The following SLC25A12 variants were observed in gnomAD, a reference collection of about 807,000 sequenced individuals.
SLC25A12 encodes the protein electrogenic aspartate/glutamate antiporter SLC25A12, mitochondrial.
A neutral mutation model predicts 83.3 loss-of-function variants in SLC25A12; 32 were observed. The ratio of observed to expected loss-of-function variants is 0.38; its 90% CI spans 0.29 to 0.52. The LOEUF is 0.52. Ranked by LOEUF, SLC25A12 falls within the 20% of genes least tolerant of loss-of-function variation. The probability of loss-of-function intolerance (pLI) is 0.84; values close to 1 mark genes in which losing one functional copy is unlikely to be tolerated. For synonymous variants in SLC25A12, 267 were observed against 291.1 expected (o/e 0.92, Z 0.84); for missense variants, 611 against 835.6 (o/e 0.73, Z 3.31).
At chr2:171,890,622 C>T (rs981082741) in intron 2 of SLC25A12, among the ~76,000 whole-genome samples, 4 of 152,152 alleles carry the variant, frequency 2.6e-5, no homozygotes, top group Non-Finnish European at 5.9e-5. Flanking sequence ...GCTGGGACCA[C>T]AGATGGATGC....
In SLC25A12 at chr2:171,867,698, G is replaced by GT. The variant is rs200895584; in HGVS notation, c.209+982dup. Among the ~76,000 whole-genome samples, 71 of 152,278 alleles carry GT rather than the reference G, an allele frequency of 4.7e-4. No homozygotes were observed. The East Asian group carries it at 0.012, about 26-fold the overall frequency. On this transcript the variant is annotated intron_variant, in intron 3 of 17. Coordinates refer to ENST00000422440, the MANE Select transcript of SLC25A12 (RefSeq NM_003705.5). ...TTTTTTAAGACCATTACACTAACCC[G>GT]TAAGTCACAGAGCTACCCTACAAGA...
In SLC25A12 at chr2:171,785,046, C is replaced by T. The variant is rs545658434; in HGVS notation, c.*228G>A. On this transcript the variant is annotated 3_prime_UTR_variant, in exon 18 of 18. Coordinates refer to ENST00000422440, the MANE Select transcript of SLC25A12 (RefSeq NM_003705.5). ...TCTAGAACACTAATTCATGCCAAGG[C>T]TTACAAAAACATTTCAACACATAAG... 2.0e-6 allele frequency: 1 copy of T among 495,104 alleles called. No homozygotes were observed. Among genetic ancestry groups the T allele is most frequent in the African/African-American group, 1.9e-5 (1 of 51,534 alleles). The allele number at this position is 495,104 out of a possible 1,614,324, so 30.7% of individuals were successfully genotyped here.
intron 9 of SLC25A12, 85 bp downstream of exon 9, chr2:171,826,712 TA>T: frequency 2.5e-6 from 2 of 807,388 alleles, no homozygotes; most frequent in Non-Finnish European, 4.4e-6. Context: ...TTTTAATTTT[TA>T]CAGCATTCAG....
chr2:171,891,862 T>C (rs1181764323), intron 2 of SLC25A12, among the ~76,000 whole-genome samples: 1 of 152,278 alleles, frequency 6.6e-6, no homozygotes, highest in Non-Finnish European at 1.5e-5. Flanking sequence ...TATCAGATAT[T>C]ATGACCTTTA....
chr2:171,889,027 C>T (rs1343414347), intron 2 of SLC25A12, among the ~76,000 whole-genome samples: 1 of 152,186 alleles, frequency 6.6e-6, no homozygotes, highest in African/African-American at 2.4e-5. Context: ...TTAATTATAT[C>T]CTTCTTGTGA....
chr2:171,846,043 C>T (rs943331372), intron 4 of SLC25A12, among the ~76,000 whole-genome samples: 3 of 151,960 alleles, frequency 2.0e-5, no homozygotes, highest in Admixed American at 1.3e-4. Flanking sequence ...TTAAAGTTTA[C>T]AAAACAATTA....
chr2:171,873,501 C>A (rs929731203), intron 2 of SLC25A12, among the ~76,000 whole-genome samples: 4 of 152,136 alleles, frequency 2.6e-5, no homozygotes, highest in African/African-American at 9.7e-5. Context: ...CCTGAACCAA[C>A]ACAGTGGGCA....
chr2:171,801,128 A>ATAT (rs1299553691), intron 13 of SLC25A12, among the ~76,000 whole-genome samples: 6 of 152,226 alleles, frequency 3.9e-5, no homozygotes, highest in African/African-American at 1.4e-4. Flanking sequence ...TGTCATATTC[A>ATAT]TACACTTATT....
intron 8 of SLC25A12, among the ~76,000 whole-genome samples, chr2:171,828,313 G>A (rs1453127288): frequency 6.6e-6 from 1 of 152,178 alleles, no homozygotes; most frequent in Non-Finnish European, 1.5e-5. Flanking sequence ...GACGAAATTG[G>A]CAGTGGCAGC....
intron 2 of SLC25A12, 137 bp downstream of exon 2, chr2:171,893,068 A>T: frequency 1.5e-6 from 1 of 670,758 alleles, no homozygotes; most frequent in African/African-American, 1.8e-5. Flanking sequence ...TAAGAGAAGT[A>T]TAAGCTATAT....
At chr2:171,869,634 A>C (rs1325730796) in intron 2 of SLC25A12, among the ~76,000 whole-genome samples, 2 of 152,200 alleles carry the variant, frequency 1.3e-5, no homozygotes, top group Non-Finnish European at 2.9e-5. Context: ...AATAATAATA[A>C]TACCTGTATC....
intron 3 of SLC25A12, among the ~76,000 whole-genome samples, chr2:171,866,775 C>T (rs1387590214): frequency 7.1e-6 from 1 of 141,766 alleles, no homozygotes; most frequent in East Asian, 2.4e-4. Context: ...TGACCCCCCC[C>T]ACCTCCCTCC....
intron 3 of SLC25A12, among the ~76,000 whole-genome samples, chr2:171,866,320 C>T (rs1685299342): frequency 7.2e-6 from 1 of 139,562 alleles, no homozygotes; most frequent in East Asian, 2.3e-4. Flanking sequence ...CCATTGTCAT[C>T]ATGGCCCGTT....
chr2:171,893,272 A>G lies in SLC25A12; in HGVS notation c.13-14T>C. The G allele has an allele frequency of 6.2e-7, 1 of 1,613,516 alleles. No homozygotes were observed. The highest frequency in any genetic ancestry group is 8.5e-7 in the Non-Finnish European group (1 of 1,179,512). ...AGTTGTCTGCACCTGTAAGCAAAAA[A>G]GAAAAAAAAGCCAGTTAATGCTTCA... On this transcript the variant is annotated splice_polypyrimidine_tract_variant and intron_variant, in intron 1 of 17. Transcript: ENST00000422440.
At chr2:171,859,358 G>A (rs1050281441) in intron 3 of SLC25A12, among the ~76,000 whole-genome samples, 1 of 152,144 alleles carries the variant, frequency 6.6e-6, no homozygotes, top group African/African-American at 2.4e-5. Context: ...TGTAGTCCTA[G>A]CTACTCAGGA....
intron 2 of SLC25A12, among the ~76,000 whole-genome samples, chr2:171,875,910 C>CAAA (rs34276775): frequency 0.25 from 24,599 of 98,314 alleles, 4,059 homozygotes; most frequent in South Asian, 0.33. Flanking sequence ...GACTCTGTCT[C>CAAA]AAAAAAAAAA....
intron 9 of SLC25A12, among the ~76,000 whole-genome samples, chr2:171,818,644 T>C (rs1684106954): frequency 6.6e-6 from 1 of 151,822 alleles, no homozygotes; most frequent in Non-Finnish European, 1.5e-5. Context: ...TGGTAGTACA[T>C]GCCTGTGGTC....
intron 13 of SLC25A12, among the ~76,000 whole-genome samples, chr2:171,795,712 T>C (rs924341187): frequency 7.2e-5 from 11 of 152,206 alleles, no homozygotes; most frequent in Admixed American, 1.3e-4. Flanking sequence ...AGGTCTTTCA[T>C]GTTTGTAATC....
intron 9 of SLC25A12, among the ~76,000 whole-genome samples, chr2:171,825,270 C>G (rs958951968): frequency 2.0e-5 from 3 of 152,186 alleles, no homozygotes; most frequent in African/African-American, 7.2e-5. Context: ...GGTTTCTTTT[C>G]CATTTTCAAT....
Sources: gnomAD v4.1 joint callset for allele counts (sites outside exome capture counted in the v4.1 genomes callset) on GRCh38, gnomAD v4.1.1 for gene constraint, MANE v1.5 for transcripts, NCBI Gene and HGNC (gene_info 2026-07-23, HGNC 2026-07-21) for gene names.